The following INPP4B variants were observed in gnomAD, a reference collection of about 807,000 sequenced individuals.
INPP4B encodes the protein inositol polyphosphate 4-phosphatase type II.
INPP4B carries 55 observed loss-of-function variants against 122.5 expected under a neutral mutation model. That is an observed-to-expected ratio of 0.45 (90% CI 0.36 to 0.56). INPP4B has a LOEUF of 0.56. Among genes scored for constraint, INPP4B ranks in the 20% least tolerant of loss-of-function variants. INPP4B has a pLI of 0.00. For missense variants in INPP4B, 1,000 were observed against 1,097.7 expected (o/e 0.91, Z 1.26); for synonymous variants, 403 against 388.7 (o/e 1.04, Z -0.43).
At chr4:142,667,341 G>A (rs1211719020) in intron 2 of INPP4B, among the ~76,000 whole-genome samples, 1 of 152,092 alleles carries the variant, frequency 6.6e-6, no homozygotes, top group Admixed American at 6.5e-5. Context: ...CATATTGGAG[G>A]CTGCTTCCAC....
Position 142,417,046 on chromosome 4 carries a change from G to A in INPP4B, c.137-11722C>T, listed in dbSNP as rs545919559. Among the ~76,000 whole-genome samples the A allele has an allele frequency of 4.6e-5, 7 of 152,238 alleles. No homozygotes were observed. In the South Asian group the frequency reaches 1.5e-3, roughly 32 times the overall value. On this transcript the variant is annotated intron_variant, in intron 5 of 25. Transcript: ENST00000262992. ...AGATCAGACAACTTCGTGGGAAAGA[G>A]TAGTTCTAAGAGGATCAGTGTTTGA...
intron 7 of INPP4B, among the ~76,000 whole-genome samples, chr4:142,378,743 T>C (rs1386552543): frequency 6.6e-6 from 1 of 152,170 alleles, no homozygotes; most frequent in Non-Finnish European, 1.5e-5. Context: ...AATGTACATA[T>C]ACATACAATT....
intron 23 of INPP4B, among the ~76,000 whole-genome samples, chr4:142,086,664 A>C (rs1404071939): frequency 6.6e-6 from 1 of 152,174 alleles, no homozygotes. Context: ...CTCAAACACA[A>C]TTTTATAACA....
chr4:142,801,254 G>C (rs1777971582), intron 1 of INPP4B, among the ~76,000 whole-genome samples: 1 of 152,156 alleles, frequency 6.6e-6, no homozygotes, highest in African/African-American at 2.4e-5. Context: ...ACAGTGTTAT[G>C]GACTAAATTA....
chr4:142,555,346 A>C (rs1389062181), intron 2 of INPP4B, among the ~76,000 whole-genome samples: 2 of 152,204 alleles, frequency 1.3e-5, no homozygotes, highest in African/African-American at 4.8e-5. Flanking sequence ...CCCTGGTCAG[A>C]GGTGTAAGCA....
chr4:142,248,653 T>C (rs928321502), intron 11 of INPP4B, among the ~76,000 whole-genome samples: 2 of 147,654 alleles, frequency 1.4e-5, no homozygotes, highest in South Asian at 4.3e-4. Context: ...TGTGTGTGTA[T>C]GTGTGTGTGT....
intron 2 of INPP4B, among the ~76,000 whole-genome samples, chr4:142,483,058 A>G (rs578042807): frequency 6.6e-6 from 1 of 152,022 alleles, no homozygotes; most frequent in Non-Finnish European, 1.5e-5. Context: ...CTTTATGCAT[A>G]GTCCCCCCAA....
rs79436915 is a variant in INPP4B, at chr4:142,712,641, G to A, written c.-191+13198C>T. On this transcript the variant is annotated intron_variant, in intron 2 of 25. Transcript: ENST00000262992. Reference sequence around the variant, plus strand: ...TCATGAATTCTAGCCAATCACAAACGTACTTGTTTTCCTTTTTATTCACTA... The same window carrying A: ...TCATGAATTCTAGCCAATCACAAACATACTTGTTTTCCTTTTTATTCACTA... 7.9e-3 allele frequency among the ~76,000 whole-genome samples: 1,209 copies of A among 152,230 alleles called. 12 individuals carry two copies. Among genetic ancestry groups the A allele is most frequent in the African/African-American group, 0.027 (1,129 of 41,536 alleles).
rs1737195142 is a variant in INPP4B, at chr4:142,026,960, T to C, written c.*1822A>G. On this transcript the variant is annotated 3_prime_UTR_variant, in exon 26 of 26. Coordinates refer to ENST00000262992, the MANE Select transcript of INPP4B (RefSeq NM_001101669.3). The stretch of plus-strand genomic sequence containing the variant: ...TCATAGCTATTCAAGGAGGCCTCTG[T>C]CATCCCAGCCTATCTTAAATCTAAT... The C allele has an allele frequency of 3.1e-5, 1 of 32,778 alleles. No individual in the cohort carries two copies. The highest frequency in any genetic ancestry group is 6.7e-5 in the Non-Finnish European group (1 of 14,988). 2.0% of individuals were successfully genotyped at this position (32,778 alleles called of 1,614,324 possible). A position where few individuals can be genotyped will look rare whatever the true frequency, so the allele number is the denominator to read the frequency against.
intron 3 of INPP4B, among the ~76,000 whole-genome samples, chr4:142,447,749 A>G (rs1394034209): frequency 6.6e-6 from 1 of 152,182 alleles, no homozygotes; most frequent in Admixed American, 6.5e-5. Flanking sequence ...AGGCATTTGT[A>G]ATCGTAAATG....
chr4:142,214,397 T>G (rs1374026920), intron 12 of INPP4B, among the ~76,000 whole-genome samples: 1 of 152,192 alleles, frequency 6.6e-6, no homozygotes, highest in African/African-American at 2.4e-5. Context: ...CTGGATCTTC[T>G]GAGATGTCCT....
intron 23 of INPP4B, among the ~76,000 whole-genome samples, chr4:142,096,972 G>T (rs1782089477): frequency 6.6e-6 from 1 of 151,824 alleles, no homozygotes; most frequent in African/African-American, 2.4e-5. Context: ...TGATGGGGTT[G>T]GACTAGGTCA....
At chr4:142,837,057 T>C (rs752895650) in intron 1 of INPP4B, among the ~76,000 whole-genome samples, 1 of 151,916 alleles carries the variant, frequency 6.6e-6, no homozygotes, top group East Asian at 1.9e-4. Context: ...TCCCAGCTAC[T>C]TGGGAGGAGA....
At chr4:142,593,605 C>T (rs918339895) in intron 2 of INPP4B, among the ~76,000 whole-genome samples, 4 of 152,152 alleles carry the variant, frequency 2.6e-5, no homozygotes, top group African/African-American at 9.7e-5. Context: ...AAATCACCAC[C>T]CTGTAGCCTG....
At chr4:142,738,557 T>C (rs953283688) in intron 1 of INPP4B, among the ~76,000 whole-genome samples, 11 of 151,866 alleles carry the variant, frequency 7.2e-5, no homozygotes, top group African/African-American at 2.4e-4. Context: ...CATGTATACA[T>C]ATGTAACAAA....
intron 2 of INPP4B, among the ~76,000 whole-genome samples, chr4:142,477,464 T>C (rs749811282): frequency 4.4e-5 from 6 of 136,960 alleles, no homozygotes; most frequent in Admixed American, 8.0e-5. Context: ...TGAAGGAAAC[T>C]GGGATGAAAA....
intron 12 of INPP4B, among the ~76,000 whole-genome samples, chr4:142,220,417 T>G (rs964473848): frequency 6.6e-6 from 1 of 152,266 alleles, no homozygotes; most frequent in African/African-American, 2.4e-5. Flanking sequence ...ACTTTCTAGT[T>G]ATTTAACAAT....
In INPP4B at chr4:142,732,357, T is replaced by C. The variant is rs187340383; in HGVS notation, c.-253-6456A>G. Among the ~76,000 whole-genome samples the C allele has an allele frequency of 2.3e-3, 349 of 152,110 alleles. 1 individual carries two copies. The highest frequency in any genetic ancestry group is 8.0e-3 in the African/African-American group (331 of 41,558). ...TCAATTAATATTTTAAAATAAAAAT[T>C]CCAATTTTATTTTCACTAGAAATAT... is the stretch of plus-strand genomic sequence containing the variant. On this transcript the variant is annotated intron_variant, in intron 1 of 25. Transcript: ENST00000262992.
chr4:142,177,729 G>A (rs1828977700), intron 15 of INPP4B, among the ~76,000 whole-genome samples: 1 of 151,866 alleles, frequency 6.6e-6, no homozygotes. Flanking sequence ...GTTTGTGTGT[G>A]TATATGTTGT....
Sources: gnomAD v4.1 joint callset for allele counts (sites outside exome capture counted in the v4.1 genomes callset) on GRCh38, gnomAD v4.1.1 for gene constraint, MANE v1.5 for transcripts, NCBI Gene and HGNC (gene_info 2026-07-23, HGNC 2026-07-21) for gene names.